The following RPA3 variants were observed in gnomAD, a reference collection of about 807,000 sequenced individuals.
The protein encoded by RPA3 is replication protein A 14 kDa subunit.
Under a neutral mutation model 13.7 loss-of-function variants are expected in RPA3, and 24 were observed. The ratio of observed to expected loss-of-function variants is 1.75; its 90% CI spans 1.27 to 2.46. The LOEUF (loss-of-function observed/expected upper bound fraction) is 2.46. Among genes scored for constraint, RPA3 ranks in the 30% most tolerant of loss-of-function variants. The pLI is 0.00. For missense variants in RPA3, 183 were observed against 151.0 expected (o/e 1.21, Z -1.11); for synonymous variants, 59 against 51.2 (o/e 1.15, Z -0.65).
At chr7:7,678,115 G>T (rs1262994667) in intron 4 of RPA3, among the ~76,000 whole-genome samples, 1 of 142,366 alleles carries the variant, frequency 7.0e-6, no homozygotes, top group East Asian at 2.1e-4. Context: ...CAATAGAATT[G>T]CTGTATCATA....
chr7:7,690,084 T>G (rs970155432), intron 2 of RPA3, among the ~76,000 whole-genome samples: 4 of 152,188 alleles, frequency 2.6e-5, no homozygotes, highest in African/African-American at 9.6e-5. Context: ...CCCACCCATT[T>G]GATTTTCAGG....
rs187837571 is a variant in RPA3 at position 7,666,735 on chromosome 7, T to A, written c.-758+19095A>T. On this transcript the variant is annotated intron_variant, in intron 4 of 7. Coordinates refer to ENST00000223129, the MANE Select transcript of RPA3 (RefSeq NM_002947.5). ...AAGAGTTCTTTATATATCCTTTATA[T>A]ACATTATTTATCAAATATGTGATTT... Among the ~76,000 whole-genome samples the A allele has an allele frequency of 1.4e-3, 219 of 152,310 alleles. 2 individuals carry two copies. Among genetic ancestry groups the A allele is most frequent in the African/African-American group, 4.9e-3 (203 of 41,584 alleles).
rs556123631 is a variant in RPA3 at position 7,670,355 on chromosome 7, A to G, written c.-758+15475T>C. Among the ~76,000 whole-genome samples the G allele has an allele frequency of 2.6e-5, 4 of 152,334 alleles. No individual in the cohort carries two copies. In the East Asian group the frequency reaches 5.8e-4, roughly 22 times the overall value. The stretch of plus-strand genomic sequence containing the variant: ...GAGCCACTTCGTAAAGGGTCTCTCT[A>G]TATATACAAAAGTTCTTGTAGCACT... On this transcript the variant is annotated intron_variant, in intron 4 of 7. Coordinates refer to ENST00000223129, the MANE Select transcript of RPA3 (RefSeq NM_002947.5).
At chr7:7,683,701 C>T (rs1359251030) in intron 4 of RPA3, among the ~76,000 whole-genome samples, 2 of 151,976 alleles carry the variant, frequency 1.3e-5, no homozygotes, top group African/African-American at 2.4e-5. Context: ...CTGTTCACTG[C>T]AATCTCCGCC....
rs373005614 is a variant in RPA3 at position 7,687,974 on chromosome 7, T to G, written c.-1027-646A>C. Among the ~76,000 whole-genome samples the G allele has an allele frequency of 3.2e-4, 49 of 152,300 alleles. 1 individual carries two copies. In the South Asian group the frequency reaches 8.5e-3, roughly 26 times the overall value. Reference sequence around the variant, plus strand: ...CAAAGGAAAACTGTAACCCCTGAAATAGCTTGTTGATGGATGGCTTGAAGA... The same window carrying G: ...CAAAGGAAAACTGTAACCCCTGAAAGAGCTTGTTGATGGATGGCTTGAAGA... On this transcript the variant is annotated intron_variant, in intron 2 of 7. Coordinates refer to ENST00000223129, the MANE Select transcript of RPA3 (RefSeq NM_002947.5).
At chr7:7,650,842 A>G (rs1004207168) in intron 4 of RPA3, among the ~76,000 whole-genome samples, 3 of 152,188 alleles carry the variant, frequency 2.0e-5, no homozygotes, top group Admixed American at 6.5e-5. Flanking sequence ...TAAGAAAGAC[A>G]TTCCAGGTTC....
At chr7:7,715,509 G>A (rs769814837) in intron 1 of RPA3, among the ~76,000 whole-genome samples, 2 of 152,040 alleles carry the variant, frequency 1.3e-5, no homozygotes, top group East Asian at 1.9e-4. Context: ...CATGCATTCC[G>A]ACAATATCTG....
intron 2 of RPA3, among the ~76,000 whole-genome samples, chr7:7,702,670 A>G (rs1236555886): frequency 2.6e-5 from 4 of 152,222 alleles, no homozygotes; most frequent in Non-Finnish European, 1.5e-5. Context: ...TGTGTATATT[A>G]AGTGACTTTC....
At chr7:7,649,257 C>T (rs1785168281) in intron 4 of RPA3, among the ~76,000 whole-genome samples, 2 of 151,916 alleles carry the variant, frequency 1.3e-5, no homozygotes, top group Non-Finnish European at 2.9e-5. Flanking sequence ...TCCAGGGACC[C>T]ACATCTGGCA....
chr7:7,701,605 A>G (rs1213948111), intron 2 of RPA3, among the ~76,000 whole-genome samples: 1 of 152,150 alleles, frequency 6.6e-6, no homozygotes, highest in Non-Finnish European at 1.5e-5. Context: ...TTTCTGATTC[A>G]GAGTTGACCT....
intron 2 of RPA3, among the ~76,000 whole-genome samples, chr7:7,692,730 C>T (rs1445804313): frequency 6.6e-6 from 1 of 152,172 alleles, no homozygotes. Context: ...CTGCCTCAGC[C>T]TCCCGAGTAG....
In RPA3 at chr7:7,714,775, A is replaced by G. The variant is rs539260432; in HGVS notation, c.-1028+400T>C. Among the ~76,000 whole-genome samples the G allele has an allele frequency of 5.9e-5, 9 of 152,164 alleles. 1 individual carries two copies. Among genetic ancestry groups the G allele is most frequent in the African/African-American group, 2.2e-4 (9 of 41,512 alleles). ...AGTAACAGGTTGGAAGCTGGGAGAA[A>G]GTCAGGATTTAGGGTGTTGGGCACT... is the stretch of plus-strand genomic sequence containing the variant. On this transcript the variant is annotated intron_variant, in intron 2 of 7. Transcript: ENST00000223129.
chr7:7,638,075 C>G, intron 6 of RPA3, 103 bp from the exon 7 acceptor site: 1 of 709,692 alleles, frequency 1.4e-6, no homozygotes, highest in South Asian at 2.3e-5. Flanking sequence ...CTTCAAGTAA[C>G]AAAGTAATTT....
At chr7:7,682,751 C>G (rs906668346) in intron 4 of RPA3, among the ~76,000 whole-genome samples, 5 of 152,178 alleles carry the variant, frequency 3.3e-5, no homozygotes, top group African/African-American at 1.2e-4. Flanking sequence ...TCGGGATATC[C>G]AGAAAAACTC....
At chr7:7,647,943 A>T (rs1436538355) in intron 4 of RPA3, among the ~76,000 whole-genome samples, 1 of 152,152 alleles carries the variant, frequency 6.6e-6, no homozygotes, top group African/African-American at 2.4e-5. Flanking sequence ...TGCTACTATT[A>T]TAGACGTGCC....
chr7:7,652,407 A>G (rs895768986), intron 4 of RPA3, among the ~76,000 whole-genome samples: 2 of 152,164 alleles, frequency 1.3e-5, no homozygotes, highest in South Asian at 4.1e-4. Flanking sequence ...CTTTACATAC[A>G]TTTTGTTGTA....
In RPA3 at chr7:7,691,334, G is replaced by A. The variant is rs558004431; in HGVS notation, c.-1027-4006C>T. Among the ~76,000 whole-genome samples the A allele has an allele frequency of 6.6e-5, 10 of 152,238 alleles. No individual in the cohort carries two copies. In the South Asian group the frequency reaches 2.1e-3, roughly 32 times the overall value. ...TTTTATAACTGTTCTTTAGATATTT[G>A]TAGTCGTCATCATTATTTTATATTC... On this transcript the variant is annotated intron_variant, in intron 2 of 7. Coordinates refer to ENST00000223129, the MANE Select transcript of RPA3 (RefSeq NM_002947.5).
intron 4 of RPA3, among the ~76,000 whole-genome samples, chr7:7,661,025 G>C (rs1481738558): frequency 6.7e-6 from 1 of 150,170 alleles, no homozygotes; most frequent in African/African-American, 2.4e-5. Context: ...TTTTTGTTTT[G>C]TTTTCTAATC....
At chr7:7,666,891 C>T (rs767338776) in intron 4 of RPA3, among the ~76,000 whole-genome samples, 16 of 152,092 alleles carry the variant, frequency 1.1e-4, no homozygotes, top group African/African-American at 2.7e-4. Flanking sequence ...CTGCAACCTC[C>T]GCCTCCCAAG....
Sources: gnomAD v4.1 joint callset for allele counts (sites outside exome capture counted in the v4.1 genomes callset) on GRCh38, gnomAD v4.1.1 for gene constraint, MANE v1.5 for transcripts, NCBI Gene and HGNC (gene_info 2026-07-23, HGNC 2026-07-21) for gene names.